Variants in PLPP1 observed in about 807,000 individuals in gnomAD.
PLPP1 encodes phospholipid phosphatase 1.
In PLPP1, 24 loss-of-function variants were observed where a neutral mutation model predicts 31.2. That is an observed-to-expected ratio of 0.77 (90% CI 0.56 to 1.08). The LOEUF (loss-of-function observed/expected upper bound fraction) is 1.08, where lower values mean the gene tolerates loss of function less well. Ranked by LOEUF, PLPP1 falls within the 50% of genes least tolerant of loss-of-function variation. PLPP1 has a pLI of 0.00. For synonymous variants in PLPP1, 146 were observed against 126.3 expected (o/e 1.16, Z -1.05); for missense variants, 319 against 342.7 (o/e 0.93, Z 0.55).
In PLPP1 at chr5:55,530,603, G is replaced by A. The variant is rs1579990620; in HGVS notation, c.58+3969C>T. The A allele has an allele frequency of 6.3e-6, 9 of 1,436,218 alleles. No individual in the cohort carries two copies. The East Asian group carries it at 1.6e-4, about 25-fold the overall frequency. 89.0% of individuals were successfully genotyped at this position (1,436,218 alleles called of 1,614,324 possible). A position where few individuals can be genotyped will look rare whatever the true frequency, so the allele number is the denominator to read the frequency against. On this transcript the variant is annotated intron_variant, in intron 1 of 5. Coordinates refer to ENST00000307259, the MANE Select transcript of PLPP1 (RefSeq NM_003711.4). ...TACAAGATTTGCAATGAAGTCTCAT[G>A]CGATAGAATTTAATCTGTTTTGCAC...
At chr5:55,526,029 G>C (rs920743170) in intron 1 of PLPP1, among the ~76,000 whole-genome samples, 1 of 151,798 alleles carries the variant, frequency 6.6e-6, no homozygotes, top group East Asian at 1.9e-4. Flanking sequence ...ATGTTAATCA[G>C]TTCACTCAAA....
intron 3 of PLPP1, among the ~76,000 whole-genome samples, chr5:55,466,282 C>T (rs1752293109): frequency 6.6e-6 from 1 of 152,202 alleles, no homozygotes; most frequent in African/African-American, 2.4e-5. Flanking sequence ...TGTAAATCTT[C>T]CCTGCCAGAC....
chr5:55,453,336 G>A (rs376639296), intron 3 of PLPP1, among the ~76,000 whole-genome samples: 1 of 152,158 alleles, frequency 6.6e-6, no homozygotes, highest in Non-Finnish European at 1.5e-5. Flanking sequence ...CTTACTGCCT[G>A]ATGTATTTTC....
chr5:55,489,550 T>C (rs2111847827), intron 1 of PLPP1, among the ~76,000 whole-genome samples: 1 of 152,320 alleles, frequency 6.6e-6, no homozygotes, highest in Non-Finnish European at 1.5e-5. Context: ...TAGAATTATA[T>C]GAATATATTA....
At chr5:55,532,051 C>T (rs913037439) in intron 1 of PLPP1, among the ~76,000 whole-genome samples, 1 of 152,182 alleles carries the variant, frequency 6.6e-6, no homozygotes, top group Admixed American at 6.5e-5. Context: ...CCACCAAAAA[C>T]ACAATTTTAT....
intron 1 of PLPP1, among the ~76,000 whole-genome samples, chr5:55,500,260 T>C (rs1753110161): frequency 6.6e-6 from 1 of 152,048 alleles, no homozygotes; most frequent in Non-Finnish European, 1.5e-5. Flanking sequence ...TTTGTATTTT[T>C]AGTAGAGACG....
chr5:55,507,036 A>G (rs1753295600), intron 1 of PLPP1, among the ~76,000 whole-genome samples: 1 of 152,226 alleles, frequency 6.6e-6, no homozygotes, highest in Non-Finnish European at 1.5e-5. Context: ...CCAGAATCAC[A>G]TGAAAAATTC....
At chr5:55,426,659 T>C (rs1360555144) in intron 4 of PLPP1, among the ~76,000 whole-genome samples, 1 of 152,028 alleles carries the variant, frequency 6.6e-6, no homozygotes, top group African/African-American at 2.4e-5. Context: ...CCGCCTGCAT[T>C]GGCCTCCCAA....
chr5:55,478,432 G>T (rs945422857), intron 1 of PLPP1, among the ~76,000 whole-genome samples: 1 of 152,136 alleles, frequency 6.6e-6, no homozygotes, highest in African/African-American at 2.4e-5. Flanking sequence ...CTGAATGTTC[G>T]AAAGAAAAGG....
intron 1 of PLPP1, among the ~76,000 whole-genome samples, chr5:55,487,558 C>T (rs188570972): frequency 3.6e-4 from 55 of 152,030 alleles, no homozygotes; most frequent in Middle Eastern, 6.8e-3. Flanking sequence ...TTATGAACCT[C>T]GCATTGTAAA....
chr5:55,443,192 A>AAAAAAAAAAAAAAAT, intron 3 of PLPP1, among the ~76,000 whole-genome samples: 2 of 25,440 alleles, frequency 7.9e-5, no homozygotes, highest in African/African-American at 1.1e-4. Flanking sequence ...AAAAAAAAAA[A>AAAAAAAAAAAAAAAT]ATATATATAT....
intron 1 of PLPP1, among the ~76,000 whole-genome samples, chr5:55,494,599 C>G (rs1021393462): frequency 2.0e-5 from 3 of 152,066 alleles, no homozygotes; most frequent in Non-Finnish European, 4.4e-5. Flanking sequence ...TTTTCAAAAC[C>G]CTAGGTTTCA....
At chr5:55,518,770 T>C (rs569511415) in intron 1 of PLPP1, among the ~76,000 whole-genome samples, 2 of 152,344 alleles carry the variant, frequency 1.3e-5, no homozygotes, top group South Asian at 2.1e-4. Flanking sequence ...TGGTGTCAAC[T>C]GCTGCAAGAT....
chr5:55,475,176 A>C, intron 2 of PLPP1, 123 bp downstream of exon 2: 1 of 854,258 alleles, frequency 1.2e-6, no homozygotes, highest in South Asian at 2.3e-5. Context: ...ATAAAGCATC[A>C]ATTAAAGGTT....
intron 1 of PLPP1, among the ~76,000 whole-genome samples, chr5:55,493,924 T>A (rs1175461708): frequency 1.3e-5 from 2 of 150,774 alleles, no homozygotes; most frequent in African/African-American, 4.9e-5. Flanking sequence ...CACACACCTA[T>A]AGTCCAGACA....
chr5:55,532,130 T>TA (rs1740690165), intron 1 of PLPP1, among the ~76,000 whole-genome samples: 1 of 152,232 alleles, frequency 6.6e-6, no homozygotes, highest in African/African-American at 2.4e-5. Flanking sequence ...CTTTATAGGA[T>TA]AATTATGTGA....
intron 1 of PLPP1, among the ~76,000 whole-genome samples, chr5:55,533,103 GC>G (rs1479102356): frequency 1.3e-5 from 2 of 151,994 alleles, no homozygotes; most frequent in African/African-American, 4.8e-5. Flanking sequence ...CAGTTTTAGG[GC>G]CCAGCGCTGT....
chr5:55,524,954 T>C (rs990226189), intron 1 of PLPP1, among the ~76,000 whole-genome samples: 2 of 152,180 alleles, frequency 1.3e-5, no homozygotes, highest in Non-Finnish European at 1.5e-5. Flanking sequence ...CTTATCACTG[T>C]ATAAAATAAC....
chr5:55,495,132 CA>C (rs36000140), intron 1 of PLPP1, among the ~76,000 whole-genome samples: 93,233 of 114,034 alleles, frequency 0.82, 37,158 homozygotes, highest in South Asian at 0.89. Context: ...ACTCTGTCTC[CA>C]AAAAAAAAAA....
Sources: gnomAD v4.1 joint callset for allele counts (sites outside exome capture counted in the v4.1 genomes callset) on GRCh38, gnomAD v4.1.1 for gene constraint, MANE v1.5 for transcripts, NCBI Gene and HGNC (gene_info 2026-07-23, HGNC 2026-07-21) for gene names.